MIPOL1: variants seen among roughly 807,000 people sequenced by gnomAD.
MIPOL1 encodes mirror-image polydactyly gene 1 protein.
A neutral mutation model predicts 60.9 loss-of-function variants in MIPOL1; 57 were observed. That is an observed-to-expected ratio of 0.94 (90% CI 0.76 to 1.17). MIPOL1 has a LOEUF of 1.17. Ranked by LOEUF, MIPOL1 falls within the 50% of genes most tolerant of loss-of-function variation. The pLI, the probability that MIPOL1 is intolerant of heterozygous loss-of-function variation, is 0.00. For missense variants in MIPOL1, 551 were observed against 511.6 expected (o/e 1.08, Z -0.74); for synonymous variants, 179 against 168.8 (o/e 1.06, Z -0.47).
chr14:37,364,443 A>G (rs2153489497), intron 9 of MIPOL1, among the ~76,000 whole-genome samples: 1 of 152,310 alleles, frequency 6.6e-6, no homozygotes, highest in African/African-American at 2.4e-5. Flanking sequence ...TCTTCTGCAT[A>G]TGGAAATCCA....
chr14:37,336,494 A>G (rs1460973903), intron 9 of MIPOL1, among the ~76,000 whole-genome samples: 1 of 151,000 alleles, frequency 6.6e-6, no homozygotes, highest in Non-Finnish European at 1.5e-5. Flanking sequence ...TATTTCTGTT[A>G]TAGTGTTTTT....
chr14:37,480,967 C>T (rs1048525894), intron 11 of MIPOL1, among the ~76,000 whole-genome samples: 4 of 152,130 alleles, frequency 2.6e-5, no homozygotes, highest in African/African-American at 9.6e-5. Context: ...AGTGAGACTT[C>T]GTCTCTATTT....
intron 12 of MIPOL1, among the ~76,000 whole-genome samples, chr14:37,538,348 G>T (rs1274693853): frequency 6.6e-6 from 1 of 152,152 alleles, no homozygotes; most frequent in Non-Finnish European, 1.5e-5. Flanking sequence ...ATTATACTCT[G>T]TAAAATTGCC....
chr14:37,406,795 T>C (rs554979886), intron 10 of MIPOL1, among the ~76,000 whole-genome samples: 1 of 152,300 alleles, frequency 6.6e-6, no homozygotes, highest in South Asian at 2.1e-4. Context: ...TAGTCTCTGT[T>C]CTAGACATTA....
intron 11 of MIPOL1, among the ~76,000 whole-genome samples, chr14:37,495,589 A>G (rs1184809434): frequency 1.4e-5 from 2 of 146,166 alleles, no homozygotes; most frequent in Non-Finnish European, 3.0e-5. Flanking sequence ...CACAATAAAC[A>G]TACGTGTGCA....
chr14:37,258,926 A>G (rs1975420197), intron 3 of MIPOL1, among the ~76,000 whole-genome samples: 1 of 152,132 alleles, frequency 6.6e-6, no homozygotes, highest in Non-Finnish European at 1.5e-5. Context: ...AAATTTCAGT[A>G]AAAGAATTTT....
chr14:37,444,996 T>A (rs2094309824), intron 11 of MIPOL1, among the ~76,000 whole-genome samples: 1 of 152,130 alleles, frequency 6.6e-6, no homozygotes, highest in East Asian at 1.9e-4. Flanking sequence ...ACTGGAAGCA[T>A]TCCCTTTGAA....
At chr14:37,521,854 G>A (rs1389317810) in intron 12 of MIPOL1, among the ~76,000 whole-genome samples, 1 of 148,654 alleles carries the variant, frequency 6.7e-6, no homozygotes, top group Non-Finnish European at 1.5e-5. Flanking sequence ...CTGCATTCCA[G>A]CCTGGGTGAC....
At chr14:37,327,961 A>T (rs2089323409) in intron 9 of MIPOL1, among the ~76,000 whole-genome samples, 1 of 152,058 alleles carries the variant, frequency 6.6e-6, no homozygotes, top group African/African-American at 2.4e-5. Flanking sequence ...GTGAGGTTAG[A>T]GTGTTGTTTG....
chr14:37,495,201 A>G lies in MIPOL1; in HGVS notation c.1032-4707A>G, dbSNP rs566059379. On this transcript the variant is annotated intron_variant, in intron 11 of 12. Transcript: ENST00000684589. ...TTGTGCAGGTTAGTTACATATGTAT[A>G]CATGTGCCATGCTGGTGCGCTGCAC... Among the ~76,000 whole-genome samples the G allele has an allele frequency of 6.0e-5, 9 of 149,164 alleles. No homozygotes were observed. The South Asian group carries it at 1.9e-3, about 32-fold the overall frequency.
intron 10 of MIPOL1, among the ~76,000 whole-genome samples, chr14:37,384,491 C>T (rs2093012674): frequency 6.6e-6 from 1 of 151,490 alleles, no homozygotes; most frequent in African/African-American, 2.4e-5. Context: ...TTATTTAAAG[C>T]TTACAGCACA....
intron 11 of MIPOL1, among the ~76,000 whole-genome samples, chr14:37,425,570 C>G (rs926405532): frequency 6.6e-6 from 1 of 152,134 alleles, no homozygotes; most frequent in Non-Finnish European, 1.5e-5. Context: ...ATAAATGAAC[C>G]TCACCAAGCT....
At position 37,551,163 on chromosome 14, in the gene MIPOL1, C is replaced by G. The variant is rs999526371; in HGVS notation, c.*4192C>G. The G allele has an allele frequency of 6.6e-6, 1 of 152,046 alleles. No individual in the cohort carries two copies. Among genetic ancestry groups the G allele is most frequent in the Admixed American group, 6.6e-5 (1 of 15,262 alleles). 9.4% of individuals were successfully genotyped at this position (152,046 alleles called of 1,614,324 possible). On this transcript the variant is annotated 3_prime_UTR_variant, in exon 13 of 13. Transcript: ENST00000684589. ...TAGAAGCCACCAATTTCTGGACTAT[C>G]TGATTATTAACAAAGATGTATTTTA... is the stretch of plus-strand genomic sequence containing the variant.
At chr14:37,344,163 A>G (rs777122472) in intron 9 of MIPOL1, among the ~76,000 whole-genome samples, 2 of 152,018 alleles carry the variant, frequency 1.3e-5, no homozygotes, top group Admixed American at 6.6e-5. Context: ...TTAATTTTCA[A>G]ATTCCAATAC....
rs562828991 is a variant in MIPOL1, at chr14:37,354,856, T to C, written c.829-14661T>C. 5.5e-3 allele frequency among the ~76,000 whole-genome samples: 535 copies of C among 97,802 alleles called. 25 individuals are homozygous for C. In the Admixed American group the frequency reaches 0.057, roughly 10 times the overall value. 64.2% of individuals were successfully genotyped at this position (97,802 alleles called of 152,430 possible). On this transcript the variant is annotated intron_variant, in intron 9 of 12. Coordinates refer to ENST00000684589, the MANE Select transcript of MIPOL1 (RefSeq NM_001388067.1). Reference sequence around the variant, plus strand: ...AGCACACTGATGGGTCTTGACTCTTTATCCAATTTGCCAGTCTGTGTCTTT... The same window carrying C: ...AGCACACTGATGGGTCTTGACTCTTCATCCAATTTGCCAGTCTGTGTCTTT...
At chr14:37,381,614 C>T (rs1003367739) in intron 10 of MIPOL1, among the ~76,000 whole-genome samples, 1 of 151,800 alleles carries the variant, frequency 6.6e-6, no homozygotes, top group African/African-American at 2.4e-5. Context: ...ACAGGGTCTC[C>T]TTCTGTCACC....
intron 3 of MIPOL1, among the ~76,000 whole-genome samples, chr14:37,263,979 G>A (rs947907164): frequency 3.9e-5 from 6 of 152,080 alleles, no homozygotes; most frequent in Non-Finnish European, 7.4e-5. Context: ...CACTTTAATG[G>A]CATTTTATTG....
At position 37,215,657 on chromosome 14, in the gene MIPOL1, A is replaced by C. The variant is rs149786869; in HGVS notation, c.-199+17553A>C. ...CTCATCAATAACAATGTTGAATATAAATGGACTAAACTCTCCAGTCAGAAG... is the reference window on the plus strand; with the variant it reads ...CTCATCAATAACAATGTTGAATATACATGGACTAAACTCTCCAGTCAGAAG... On this transcript the variant is annotated intron_variant, in intron 1 of 12. Coordinates refer to ENST00000684589, the MANE Select transcript of MIPOL1 (RefSeq NM_001388067.1). Among the ~76,000 whole-genome samples, 308 of 152,306 alleles carry C rather than the reference A, an allele frequency of 2.0e-3. 1 individual carries two copies. Among genetic ancestry groups the C allele is most frequent in the African/African-American group, 7.3e-3 (303 of 41,552 alleles).
chr14:37,431,745 A>ATTT lies in MIPOL1; in HGVS notation c.1031+8807_1031+8809dup, dbSNP rs796193149. 2.9e-3 allele frequency among the ~76,000 whole-genome samples: 400 copies of ATTT among 138,612 alleles called. 2 individuals are homozygous for ATTT. The highest frequency in any genetic ancestry group is 9.3e-3 in the African/African-American group (339 of 36,366). The allele number at this position is 138,612 out of a possible 152,430, so 90.9% of individuals were successfully genotyped here. On this transcript the variant is annotated intron_variant, in intron 11 of 12. Transcript: ENST00000684589. ...AGGCACCCGCCACCATGCCTGGCTAATTTTTTTTTTTTTGTACTTTTAGTA... is the reference window on the plus strand; with the variant it reads ...AGGCACCCGCCACCATGCCTGGCTAATTTTTTTTTTTTTTTTGTACTTTTAGTA...
Sources: allele counts gnomAD v4.1 joint callset (sites outside exome capture counted in the v4.1 genomes callset), GRCh38; gene constraint gnomAD v4.1.1; transcripts MANE v1.5; gene names NCBI Gene and HGNC (gene_info 2026-07-23, HGNC 2026-07-21).